Variants in TNFAIP8L3 observed in about 807,000 individuals in gnomAD.
The protein encoded by TNFAIP8L3 is TNF alpha induced protein 8 like 3, also known as tumor necrosis factor alpha-induced protein 8-like protein 3.
A neutral mutation model predicts 11.8 loss-of-function variants in TNFAIP8L3; 7 were observed. The ratio of observed to expected loss-of-function variants is 0.59; its 90% CI spans 0.34 to 1.11. TNFAIP8L3 has a LOEUF of 1.11. Ranked by LOEUF, TNFAIP8L3 falls within the 50% of genes most tolerant of loss-of-function variation. The pLI, the probability that TNFAIP8L3 is intolerant of heterozygous loss-of-function variation, is 0.03. For missense variants in TNFAIP8L3, 219 were observed against 258.6 expected, an observed-to-expected ratio of 0.85 and a Z score of 1.05; for synonymous variants, 98 against 103.8, an observed-to-expected ratio of 0.94 and a Z score of 0.34.
intron 1 of TNFAIP8L3, among the ~76,000 whole-genome samples, chr15:51,102,035 G>C (rs1181772667): frequency 6.6e-6 from 1 of 151,968 alleles, no homozygotes; most frequent in African/African-American, 2.4e-5. Flanking sequence ...ACATGTACCA[G>C]TGGTACAGGA....
At chr15:51,090,442 C>T (rs1429583175) in intron 1 of TNFAIP8L3, among the ~76,000 whole-genome samples, 7 of 152,190 alleles carry the variant, frequency 4.6e-5, no homozygotes, top group Admixed American at 4.6e-4. Context: ...TTGGTCACAT[C>T]TCTGCTCAAG....
At chr15:51,083,302 C>T (rs2065404980) in intron 1 of TNFAIP8L3, among the ~76,000 whole-genome samples, 1 of 152,134 alleles carries the variant, frequency 6.6e-6, no homozygotes. Flanking sequence ...GAACGATGGA[C>T]TGACGGTGGT....
At chr15:51,066,599 T>C (rs1181881365) in intron 1 of TNFAIP8L3, among the ~76,000 whole-genome samples, 2 of 152,162 alleles carry the variant, frequency 1.3e-5, no homozygotes, top group Non-Finnish European at 1.5e-5. Flanking sequence ...GTGAGAGTGA[T>C]GGCCTCCCCA....
At chr15:51,098,644 T>G (rs1391989584), upstream of TNFAIP8L3, among the ~76,000 whole-genome samples, 1 of 152,242 alleles carries the variant, frequency 6.6e-6, no homozygotes, top group Non-Finnish European at 1.5e-5. Context: ...TGCAGATTAC[T>G]AGAAAAATTG....
intron 1 of TNFAIP8L3, among the ~76,000 whole-genome samples, chr15:51,065,809 T>G (rs1050121414): frequency 3.3e-5 from 5 of 152,212 alleles, no homozygotes. Flanking sequence ...CACATCAGAA[T>G]TACTTCATTT....
intron 1 of TNFAIP8L3, among the ~76,000 whole-genome samples, chr15:51,074,939 C>T (rs2065339296): frequency 6.6e-6 from 1 of 152,328 alleles, no homozygotes; most frequent in East Asian, 1.9e-4. Flanking sequence ...TGCTGCACTG[C>T]GACTGGCCAT....
chr15:51,091,260 G>T (rs746946049), intron 1 of TNFAIP8L3, among the ~76,000 whole-genome samples: 2 of 152,216 alleles, frequency 1.3e-5, no homozygotes, highest in Non-Finnish European at 1.5e-5. Flanking sequence ...CCACTGCAGC[G>T]TGTTGCTCTA....
chr15:51,100,867 A>T (rs1395346674), intron 1 of TNFAIP8L3, among the ~76,000 whole-genome samples: 3 of 152,120 alleles, frequency 2.0e-5, no homozygotes, highest in African/African-American at 7.2e-5. Context: ...AGTTATAAGA[A>T]GGGAGAATTT....
At chr15:51,066,280 C>G (rs940538963) in intron 1 of TNFAIP8L3, among the ~76,000 whole-genome samples, 2 of 151,716 alleles carry the variant, frequency 1.3e-5, no homozygotes, top group Admixed American at 1.3e-4. Flanking sequence ...CTCCTGCCTC[C>G]GCCTCCCGAG....
At chr15:51,087,159 C>A (rs1308669703) in intron 1 of TNFAIP8L3, among the ~76,000 whole-genome samples, 1 of 152,208 alleles carries the variant, frequency 6.6e-6, no homozygotes, top group Non-Finnish European at 1.5e-5. Flanking sequence ...TGAGCCACTG[C>A]ACCCAGCTCA....
At chr15:51,092,864 C>G (rs984205879) in intron 1 of TNFAIP8L3, among the ~76,000 whole-genome samples, 1 of 152,180 alleles carries the variant, frequency 6.6e-6, no homozygotes, top group East Asian at 1.9e-4. Flanking sequence ...CTTCCTTCCT[C>G]TTTCTCTAAG....
intron 1 of TNFAIP8L3, among the ~76,000 whole-genome samples, chr15:51,104,446 C>G (rs1184416209): frequency 6.6e-6 from 1 of 152,170 alleles, no homozygotes; most frequent in South Asian, 2.1e-4. Flanking sequence ...AAGAACTACC[C>G]AGAGTCCACG....
At position 51,094,386 on chromosome 15, in the gene TNFAIP8L3, G is replaced by A. The variant is rs563152888; in HGVS notation, c.52+158C>T. On this transcript the variant is annotated intron_variant, in intron 1 of 1. Transcript: ENST00000637513. This position sits in a 1 kb window ranked among gnomAD's most constrained non-coding sequence, Gnocchi z 4.4. The stretch of plus-strand genomic sequence containing the variant: ...CCGCGCGCCCAAGTGCAATGGGGTT[G>A]GGGGAAGCCCCAAAGCAAACTCACG... 2.6e-5 allele frequency among the ~76,000 whole-genome samples: 4 copies of A among 152,196 alleles called. No homozygotes were observed. Among genetic ancestry groups the A allele is most frequent in the South Asian group, 4.1e-4 (2 of 4,820 alleles).
At chr15:51,092,735 A>G (rs958219962) in intron 1 of TNFAIP8L3, among the ~76,000 whole-genome samples, 2 of 152,034 alleles carry the variant, frequency 1.3e-5, no homozygotes, top group Non-Finnish European at 2.9e-5. Flanking sequence ...TACAACAGGG[A>G]TATTAAACAC....
rs539228932 is a variant in TNFAIP8L3 at position 51,075,389 on chromosome 15, C to T, written c.53-16946G>A. 9.9e-5 allele frequency among the ~76,000 whole-genome samples: 15 copies of T among 152,280 alleles called. No homozygotes were observed. The South Asian group carries it at 2.9e-3, about 29-fold the overall frequency. The stretch of plus-strand genomic sequence containing the variant: ...AAACCCTTTCTCCATGGCAGAAGCA[C>T]CCCTCCTTCCTGCCACCCCTGGAGC... On this transcript the variant is annotated intron_variant, in intron 1 of 1. Coordinates refer to ENST00000637513, the MANE Select transcript of TNFAIP8L3 (RefSeq NM_001311175.2).
chr15:51,083,701 G>T (rs1370785965), intron 1 of TNFAIP8L3, among the ~76,000 whole-genome samples: 1 of 152,258 alleles, frequency 6.6e-6, no homozygotes, highest in Non-Finnish European at 1.5e-5. Context: ...GCCCACAAAG[G>T]CTAGGCCAGG....
chr15:51,062,217 T>C (rs972097029), intron 1 of TNFAIP8L3, among the ~76,000 whole-genome samples: 1 of 151,170 alleles, frequency 6.6e-6, no homozygotes, highest in Non-Finnish European at 1.5e-5. Flanking sequence ...GAGGCTGCAG[T>C]GAGCTGTGAT....
At chr15:51,085,426 G>C (rs2065420627) in intron 1 of TNFAIP8L3, among the ~76,000 whole-genome samples, 1 of 152,184 alleles carries the variant, frequency 6.6e-6, no homozygotes, top group Non-Finnish European at 1.5e-5. Context: ...CCTGACCCAA[G>C]GGAAGGAGGC....
rs1027958318 is a variant in TNFAIP8L3, at chr15:51,094,155, G to A, written c.52+389C>T. On this transcript the variant is annotated intron_variant, in intron 1 of 1. Coordinates refer to ENST00000637513, the MANE Select transcript of TNFAIP8L3 (RefSeq NM_001311175.2). This position sits in a 1 kb window ranked among gnomAD's most constrained non-coding sequence, Gnocchi z 4.4. ...TGGACCCAGTCACCTGCGCCGCAGC[G>A]CAGTCCCGGCGCCCCAGGTTCGAGG... Among the ~76,000 whole-genome samples the A allele has an allele frequency of 6.6e-6, 1 of 152,214 alleles. No homozygotes were observed. The highest frequency in any genetic ancestry group is 2.4e-5 in the African/African-American group (1 of 41,460).
Sources: allele counts gnomAD v4.1 joint callset (sites outside exome capture counted in the v4.1 genomes callset), GRCh38; gene constraint gnomAD v4.1.1; non-coding constraint Gnocchi (gnomAD v3.1); transcripts MANE v1.5; gene names NCBI Gene and HGNC (gene_info 2026-07-23, HGNC 2026-07-21).